Variants in GSE1 observed in about 807,000 individuals in gnomAD.
GSE1 encodes genetic suppressor element 1.
Under a neutral mutation model 112.6 loss-of-function variants are expected in GSE1, and 32 were observed. The observed-to-expected ratio is 0.28, with a 90% CI of 0.21 to 0.38. The LOEUF is 0.38. GSE1 is among the 10% of genes least tolerant of loss of function. The probability of loss-of-function intolerance (pLI) is 1.00; values close to 1 mark genes in which losing one functional copy is unlikely to be tolerated. For synonymous variants in GSE1, 1,115 were observed against 735.6 expected, an observed-to-expected ratio of 1.52 and a Z score of -8.35; for missense variants, 2,348 against 1,699.2, an observed-to-expected ratio of 1.38 and a Z score of -6.71.
chr16:85,530,174 G>C (rs1009374235), intron 2 of GSE1, among the ~76,000 whole-genome samples: 2 of 152,200 alleles, frequency 1.3e-5, no homozygotes, highest in African/African-American at 4.8e-5. Flanking sequence ...TCAGCCGTCT[G>C]CCTTGGCTCC....
chr16:85,254,764 G>A (rs1354333113), intron 1 of GSE1, among the ~76,000 whole-genome samples: 1 of 152,222 alleles, frequency 6.6e-6, no homozygotes, highest in Non-Finnish European at 1.5e-5. Context: ...CTGAAGGGAA[G>A]GACGCAGGCA....
intron 1 of GSE1, among the ~76,000 whole-genome samples, chr16:85,321,803 A>G (rs1229983397): frequency 1.3e-5 from 2 of 152,070 alleles, no homozygotes; most frequent in Non-Finnish European, 2.9e-5. Flanking sequence ...AAAAAAAAAA[A>G]AAAAGAAAAA....
intron 1 of GSE1, among the ~76,000 whole-genome samples, chr16:85,173,724 C>T (rs2074404898): frequency 1.3e-5 from 2 of 152,156 alleles, no homozygotes; most frequent in African/African-American, 2.4e-5. Context: ...TGCTGCCCGT[C>T]GGCCTTGACT....
intron 2 of GSE1, among the ~76,000 whole-genome samples, chr16:85,537,781 A>G (rs1209621760): frequency 7.7e-6 from 1 of 129,282 alleles, no homozygotes; most frequent in Admixed American, 7.8e-5. Context: ...GTGTGAATTC[A>G]GAAATCAAAT....
chr16:85,610,818 C>T (rs1232689672), upstream of GSE1, among the ~76,000 whole-genome samples: 1 of 152,230 alleles, frequency 6.6e-6, no homozygotes. Flanking sequence ...TCTTGAGCAA[C>T]TCAGGGCCTC....
chr16:85,519,604 CCAT>C (rs1567555978), intron 2 of GSE1, among the ~76,000 whole-genome samples: 3 of 145,704 alleles, frequency 2.1e-5, no homozygotes, highest in African/African-American at 2.6e-5. Flanking sequence ...ACCTTCACCA[CCAT>C]CATCACCATC....
chr16:85,404,195 GGC>G (rs1397759878), intron 2 of GSE1, among the ~76,000 whole-genome samples: 1 of 89,304 alleles, frequency 1.1e-5, no homozygotes, highest in Non-Finnish European at 2.3e-5. Flanking sequence ...TTACACTCAG[GGC>G]CCCCCTGGAT....
intron 1 of GSE1, among the ~76,000 whole-genome samples, chr16:85,626,614 G>C (rs777016164): frequency 6.6e-6 from 1 of 152,220 alleles, no homozygotes; most frequent in Non-Finnish European, 1.5e-5. Context: ...CCCCACGGGG[G>C]GCTGTCAGGG....
rs925852703 is a variant in GSE1 at position 85,672,755 on chromosome 16, T to A, written c.*216T>A. Reference sequence around the variant, plus strand: ...GTTGTCATTCAGCGAGCAACCAATGTAGGATTGCCCACAGTTTTTCTTTTT... The same window carrying A: ...GTTGTCATTCAGCGAGCAACCAATGAAGGATTGCCCACAGTTTTTCTTTTT... On this transcript the variant is annotated 3_prime_UTR_variant, in exon 16 of 16. Coordinates refer to ENST00000253458, the MANE Select transcript of GSE1 (RefSeq NM_014615.5). 4 of 384,542 alleles carry A rather than the reference T, an allele frequency of 1.0e-5. No homozygotes were observed. In the East Asian group the frequency reaches 1.6e-4, roughly 15 times the overall value. The allele number at this position is 384,542 out of a possible 1,614,324, so 23.8% of individuals were successfully genotyped here.
chr16:85,233,512 GTGTTCATGTA>G (rs1904315355), intron 1 of GSE1, among the ~76,000 whole-genome samples: 1 of 152,216 alleles, frequency 6.6e-6, no homozygotes, highest in African/African-American at 2.4e-5. Flanking sequence ...ATGTGCCTGT[GTGTTCATGTA>G]TGTTCATGCA....
At position 85,665,045 on chromosome 16, in the gene GSE1, C is replaced by T. The variant is rs1355363267; in HGVS notation, c.2675C>T (p.Ala892Val). The T allele has an allele frequency of 1.9e-6, 3 of 1,610,654 alleles. No homozygotes were observed. The highest frequency in any genetic ancestry group is 3.3e-5 in the Admixed American group (2 of 59,996). The change falls in exon 12 of 16, where the codon GCC (alanine) becomes GTC (valine). Residue 892 changes from alanine (A) to valine (V), a missense_variant. Transcript: ENST00000253458. Reference protein sequence around the residue: ...DKERLVEMLRAMKQKALSAAV... With the variant: ...DKERLVEMLRVMKQKALSAAV... Reference sequence around the variant, plus strand: ...GAGAGACTTGTTGAAATGCTCCGTGCCATGAAGCAGAAGGCACTGTCAGCA... The same window carrying T: ...GAGAGACTTGTTGAAATGCTCCGTGTCATGAAGCAGAAGGCACTGTCAGCA...
At chr16:85,636,008 C>T (rs992827434) in intron 2 of GSE1, among the ~76,000 whole-genome samples, 5 of 152,240 alleles carry the variant, frequency 3.3e-5, no homozygotes, top group African/African-American at 7.2e-5. Context: ...TTTGGTGGCT[C>T]GGCCAGCGGG....
intron 2 of GSE1, among the ~76,000 whole-genome samples, chr16:85,452,375 C>T (rs1014654371): frequency 2.6e-5 from 4 of 152,250 alleles, no homozygotes; most frequent in Non-Finnish European, 5.9e-5. Flanking sequence ...CTCTGGCCCC[C>T]ACCTCTCCCT....
chr16:85,550,015 G>A (rs2044847915), intron 2 of GSE1, among the ~76,000 whole-genome samples: 1 of 152,214 alleles, frequency 6.6e-6, no homozygotes, highest in African/African-American at 2.4e-5. Flanking sequence ...ACTGTTATCT[G>A]AAACACAGGA....
At chr16:85,465,170 C>T (rs1239158307) in intron 2 of GSE1, among the ~76,000 whole-genome samples, 1 of 152,214 alleles carries the variant, frequency 6.6e-6, no homozygotes, top group Non-Finnish European at 1.5e-5. Context: ...TGGGACGGCC[C>T]CTGGTTCCCG....
intron 2 of GSE1, among the ~76,000 whole-genome samples, chr16:85,519,705 C>G (rs1368829894): frequency 1.4e-5 from 2 of 141,226 alleles, no homozygotes; most frequent in Non-Finnish European, 3.1e-5. Context: ...CCACAGTCTC[C>G]ATCACTGTCA....
intron 1 of GSE1, among the ~76,000 whole-genome samples, chr16:85,242,410 C>T (rs747691708): frequency 1.3e-4 from 20 of 152,248 alleles, no homozygotes; most frequent in Non-Finnish European, 2.9e-4. Flanking sequence ...AGCAGGACCA[C>T]GTGGAGCCAA....
At chr16:85,612,601 A>T (rs1184239872), upstream of GSE1, among the ~76,000 whole-genome samples, 6 of 150,206 alleles carry the variant, frequency 4.0e-5, no homozygotes, top group African/African-American at 1.5e-4. Flanking sequence ...TGGCCTTCCC[A>T]AAAGTTACTT....
chr16:85,424,343 C>T (rs950320313), intron 2 of GSE1, among the ~76,000 whole-genome samples: 28 of 152,216 alleles, frequency 1.8e-4, no homozygotes, highest in Admixed American at 1.8e-3. Flanking sequence ...AACATTTCAC[C>T]TGTTCGGCCC....
Sources: allele counts gnomAD v4.1 joint callset (sites outside exome capture counted in the v4.1 genomes callset), GRCh38; gene constraint gnomAD v4.1.1; transcripts MANE v1.5; gene names NCBI Gene and HGNC (gene_info 2026-07-23, HGNC 2026-07-21).